The following COL19A1 variants were observed in gnomAD, a reference collection of about 807,000 sequenced individuals.
The protein encoded by COL19A1 is collagen alpha-1(XIX) chain.
COL19A1 carries 159 observed loss-of-function variants against 190.2 expected under a neutral mutation model. The ratio of observed to expected loss-of-function variants is 0.84; its 90% CI spans 0.73 to 0.95. COL19A1 has a LOEUF of 0.95. COL19A1 is among the 40% of genes least tolerant of loss of function. The pLI, the probability that COL19A1 is intolerant of heterozygous loss-of-function variation, is 0.00. For synonymous variants in COL19A1, 509 were observed against 458.9 expected, an observed-to-expected ratio of 1.11 and a Z score of -1.39; for missense variants, 1,418 against 1,431.9, an observed-to-expected ratio of 0.99 and a Z score of 0.16.
intron 16 of COL19A1, among the ~76,000 whole-genome samples, chr6:70,107,487 A>G (rs1784047158): frequency 6.6e-6 from 1 of 152,210 alleles, no homozygotes; most frequent in South Asian, 2.1e-4. Context: ...TGTCATTGAT[A>G]TGAAAGAACT....
chr6:70,156,467 T>C, intron 33 of COL19A1, 98 bp downstream of exon 33: 1 of 919,198 alleles, frequency 1.1e-6, no homozygotes, highest in Non-Finnish European at 1.6e-6. Context: ...AAATACATAC[T>C]ATATATATAT....
At chr6:70,042,617 A>T (rs1162338772) in intron 14 of COL19A1, among the ~76,000 whole-genome samples, 2 of 151,764 alleles carry the variant, frequency 1.3e-5, no homozygotes, top group African/African-American at 4.9e-5. Flanking sequence ...ACAAAAATGA[A>T]GTTTGCCACC....
intron 11 of COL19A1, among the ~76,000 whole-genome samples, chr6:69,985,950 C>T (rs1177732760): frequency 1.3e-5 from 2 of 151,864 alleles, no homozygotes; most frequent in East Asian, 3.9e-4. Context: ...TTGGAAAATA[C>T]AGTTCAGGGC....
rs1353158858 is a variant in COL19A1, at chr6:70,023,517, T to A, written c.1027-110T>A. ...TTTAATAAACGTGCCTTTCAAGGGT[T>A]TAGCAAAGTAATCATATTGTTATAA... On this transcript the variant is annotated intron_variant, in intron 11 of 50. Coordinates refer to ENST00000620364, the MANE Select transcript of COL19A1 (RefSeq NM_001858.6). The A allele has an allele frequency of 4.2e-5, 35 of 828,380 alleles. 1 individual carries two copies. The highest frequency in any genetic ancestry group is 5.2e-5 in the Non-Finnish European group (28 of 535,192). The allele number at this position is 828,380 out of a possible 1,614,324, so 51.3% of individuals were successfully genotyped here.
intron 14 of COL19A1, among the ~76,000 whole-genome samples, chr6:70,041,203 T>C (rs1779618216): frequency 6.6e-6 from 1 of 152,214 alleles, no homozygotes; most frequent in Non-Finnish European, 1.5e-5. Flanking sequence ...AAAAATTTAA[T>C]GAAATATCTG....
At position 70,163,320 on chromosome 6, in the gene COL19A1, A is replaced by G. The variant is rs1294126993; in HGVS notation, c.2347-23A>G. ...GCCATTTAATTGTTGTTTCTGTAAC[A>G]AACTTAGTTTTGTGTTTTACAGGGC... is the stretch of plus-strand genomic sequence containing the variant. On this transcript the variant is annotated intron_variant, in intron 35 of 50. Transcript: ENST00000620364. The G allele has an allele frequency of 2.5e-6, 4 of 1,608,850 alleles. No homozygotes were observed. In the African/African-American group the frequency reaches 4.0e-5, roughly 16 times the overall value.
intron 9 of COL19A1, among the ~76,000 whole-genome samples, chr6:69,943,248 G>A (rs534462849): frequency 6.6e-6 from 1 of 151,990 alleles, no homozygotes; most frequent in African/African-American, 2.4e-5. Flanking sequence ...GATTATTGGG[G>A]TTTTTGTTTG....
intron 37 of COL19A1, among the ~76,000 whole-genome samples, chr6:70,166,229 G>A (rs1765145639): frequency 6.6e-6 from 1 of 152,046 alleles, no homozygotes; most frequent in African/African-American, 2.4e-5. Context: ...AGGAATCTGG[G>A]TTTGTGCTCC....
At chr6:69,873,471 A>C (rs1048633037) in intron 1 of COL19A1, among the ~76,000 whole-genome samples, 2 of 152,228 alleles carry the variant, frequency 1.3e-5, no homozygotes, top group South Asian at 2.1e-4. Flanking sequence ...CAAGAAAGAA[A>C]AAAAATGAGG....
At chr6:70,006,738 C>T (rs1205412659) in intron 11 of COL19A1, among the ~76,000 whole-genome samples, 2 of 151,756 alleles carry the variant, frequency 1.3e-5, no homozygotes, top group Non-Finnish European at 2.9e-5. Flanking sequence ...AATGTTAAAG[C>T]AATAACTATT....
chr6:69,899,528 TACC>T (rs1770019598), intron 3 of COL19A1, among the ~76,000 whole-genome samples: 1 of 152,048 alleles, frequency 6.6e-6, no homozygotes, highest in African/African-American at 2.4e-5. Context: ...TGATCAACAA[TACC>T]TCAACCTCTT....
intron 14 of COL19A1, among the ~76,000 whole-genome samples, chr6:70,055,419 C>G (rs983449124): frequency 4.0e-4 from 61 of 151,914 alleles, no homozygotes; most frequent in African/African-American, 1.4e-3. Context: ...TAGAGACAAC[C>G]TAGATGTCTA....
chr6:70,163,225 G>A (rs1266264667), intron 35 of COL19A1, 118 bp from the exon 36 acceptor site: 2 of 867,522 alleles, frequency 2.3e-6, no homozygotes. Flanking sequence ...AGCTTCTAGG[G>A]CTTATTTAAT....
At chr6:69,997,760 T>C (rs1436984792) in intron 11 of COL19A1, among the ~76,000 whole-genome samples, 1 of 152,054 alleles carries the variant, frequency 6.6e-6, no homozygotes, top group Non-Finnish European at 1.5e-5. Context: ...ACATCAAGCA[T>C]ACCAACATGT....
chr6:69,889,868 G>A (rs6905176), intron 2 of COL19A1: 26,018 of 148,334 alleles, frequency 0.18, 2,360 homozygotes, highest in South Asian at 0.25. Context: ...TGGCAACCTG[G>A]TGGGGTCCCC....
intron 18 of COL19A1, among the ~76,000 whole-genome samples, chr6:70,135,303 T>C (rs1267449071): frequency 1.3e-5 from 2 of 152,162 alleles, no homozygotes; most frequent in Non-Finnish European, 2.9e-5. Context: ...GATTAAATCA[T>C]TTGTCACTGG....
intron 48 of COL19A1, among the ~76,000 whole-genome samples, chr6:70,194,042 T>G (rs1233690086): frequency 2.0e-5 from 3 of 152,244 alleles, no homozygotes; most frequent in Non-Finnish European, 4.4e-5. Context: ...ACCCGTCTCC[T>G]TCTCTTTTTC....
At chr6:70,060,279 A>C (rs965765584) in intron 14 of COL19A1, among the ~76,000 whole-genome samples, 1 of 152,150 alleles carries the variant, frequency 6.6e-6, no homozygotes, top group African/African-American at 2.4e-5. Context: ...TATTGTTCTA[A>C]CTAGGTGTTT....
At chr6:69,982,705 G>T in intron 11 of COL19A1, among the ~76,000 whole-genome samples, 1 of 130,970 alleles carries the variant, frequency 7.6e-6, no homozygotes, top group Non-Finnish European at 1.5e-5. Context: ...AGGAGCAGTG[G>T]CTCACGCCTG....
Sources: gnomAD v4.1 joint callset for allele counts (sites outside exome capture counted in the v4.1 genomes callset) on GRCh38, gnomAD v4.1.1 for gene constraint, MANE v1.5 for transcripts, NCBI Gene and HGNC (gene_info 2026-07-23, HGNC 2026-07-21) for gene names.